ZNF536: variants seen among roughly 807,000 people sequenced by gnomAD.
ZNF536 encodes the protein zinc finger protein 536.
Under a neutral mutation model 84.5 loss-of-function variants are expected in ZNF536, and 13 were observed. That is an observed-to-expected ratio of 0.15 (90% confidence interval 0.10 to 0.24). The LOEUF (loss-of-function observed/expected upper bound fraction) is 0.24, where lower values mean the gene tolerates loss of function less well. Among genes scored for constraint, ZNF536 ranks in the 10% least tolerant of loss-of-function variants. The pLI is 1.00. For synonymous variants in ZNF536, 811 were observed against 742.5 expected (o/e 1.09, Z -1.50); for missense variants, 1,536 against 1,747.5 (o/e 0.88, Z 2.16).
intron 2 of ZNF536, among the ~76,000 whole-genome samples, chr19:30,327,954 C>A (rs896561256): frequency 2.0e-5 from 3 of 152,126 alleles, no homozygotes; most frequent in Non-Finnish European, 2.9e-5. Flanking sequence ...CTGGAGCCAC[C>A]ATTACTAGTG....
chr19:30,253,893 A>G (rs2024763212), intron 1 of ZNF536, among the ~76,000 whole-genome samples: 1 of 152,164 alleles, frequency 6.6e-6, no homozygotes, highest in African/African-American at 2.4e-5. Flanking sequence ...TGAGTCAGAA[A>G]AGACGCTAAT....
At chr19:30,571,679 T>C (rs1267829933) in intron 1 of ZNF536, among the ~76,000 whole-genome samples, 1 of 152,142 alleles carries the variant, frequency 6.6e-6, no homozygotes, top group African/African-American at 2.4e-5. Context: ...CTTTGGCCAG[T>C]GTGATCCCAA....
At chr19:30,670,180 C>G (rs758766072) in intron 1 of ZNF536, among the ~76,000 whole-genome samples, 13 of 152,208 alleles carry the variant, frequency 8.5e-5, no homozygotes, top group Admixed American at 2.0e-4. Flanking sequence ...GAACGAATTC[C>G]TGAGGCTCCT....
At chr19:30,571,382 C>A (rs1255194776) in intron 1 of ZNF536, among the ~76,000 whole-genome samples, 2 of 152,162 alleles carry the variant, frequency 1.3e-5, no homozygotes, top group African/African-American at 4.8e-5. Flanking sequence ...TCCCAAAGAA[C>A]TCCAAGGCAA....
At chr19:30,350,971 C>A (rs146448801) in intron 2 of ZNF536, among the ~76,000 whole-genome samples, 1 of 152,088 alleles carries the variant, frequency 6.6e-6, no homozygotes, top group Admixed American at 6.6e-5. Context: ...TTATCATATG[C>A]GGGGTGGTCT....
At chr19:30,499,810 G>GT (rs1305535309) in intron 2 of ZNF536, among the ~76,000 whole-genome samples, 4 of 152,256 alleles carry the variant, frequency 2.6e-5, no homozygotes, top group African/African-American at 9.6e-5. Context: ...CTTAGCCTTG[G>GT]TTAACTCTTA....
chr19:30,627,836 G>A, intron 1 of ZNF536, among the ~76,000 whole-genome samples: 2 of 152,194 alleles, frequency 1.3e-5, no homozygotes, highest in East Asian at 3.9e-4. Flanking sequence ...GAAGATGGGT[G>A]CAATACCACT....
intron 1 of ZNF536, among the ~76,000 whole-genome samples, chr19:30,588,759 T>C (rs1210287123): frequency 6.6e-6 from 1 of 152,216 alleles, no homozygotes; most frequent in Non-Finnish European, 1.5e-5. Flanking sequence ...ATTGTTTTAT[T>C]TGTGTGAATA....
chr19:30,394,067 A>C (rs953804333), intron 1 of ZNF536, among the ~76,000 whole-genome samples: 4 of 152,186 alleles, frequency 2.6e-5, no homozygotes, highest in African/African-American at 9.7e-5. Flanking sequence ...GGGCACGTGC[A>C]GATGGAAAAA....
At chr19:30,516,075 A>G (rs182528941) in intron 2 of ZNF536, among the ~76,000 whole-genome samples, 2 of 152,266 alleles carry the variant, frequency 1.3e-5, no homozygotes, top group African/African-American at 4.8e-5. Context: ...AAAAGAAAAA[A>G]GAATGCCCAG....
intron 1 of ZNF536, among the ~76,000 whole-genome samples, chr19:30,602,002 C>T (rs557815402): frequency 3.3e-5 from 5 of 152,246 alleles, no homozygotes; most frequent in African/African-American, 7.2e-5. Flanking sequence ...GCAAGGTCCA[C>T]TCATTCCCAA....
intron 1 of ZNF536, among the ~76,000 whole-genome samples, chr19:30,604,638 A>G (rs2047805614): frequency 6.6e-6 from 1 of 152,220 alleles, no homozygotes; most frequent in African/African-American, 2.4e-5. Flanking sequence ...GAGAAAAGTA[A>G]TCAGTTATTA....
intron 1 of ZNF536, among the ~76,000 whole-genome samples, chr19:30,234,484 C>T (rs1414943983): frequency 6.7e-6 from 1 of 149,858 alleles, no homozygotes; most frequent in Non-Finnish European, 1.5e-5. Context: ...TCACTGCAAC[C>T]TCTGCCTCCC....
At chr19:30,507,049 T>C (rs2055202930) in intron 2 of ZNF536, among the ~76,000 whole-genome samples, 1 of 152,246 alleles carries the variant, frequency 6.6e-6, no homozygotes, top group Non-Finnish European at 1.5e-5. Flanking sequence ...ACCCTGTTAG[T>C]GAATATTTTG....
chr19:30,344,440 C>CAAAAAAAAAAA (rs10628847), intron 2 of ZNF536, among the ~76,000 whole-genome samples: 1 of 69,182 alleles, frequency 1.4e-5, no homozygotes, highest in Non-Finnish European at 2.6e-5. Context: ...AACTCCATCT[C>CAAAAAAAAAAA]AAAAAAAAAA....
At chr19:30,225,754 G>A (rs2022580153), upstream of ZNF536, among the ~76,000 whole-genome samples, 1 of 146,430 alleles carries the variant, frequency 6.8e-6, no homozygotes, top group Admixed American at 6.7e-5. Flanking sequence ...GGCGGGTGGG[G>A]GGGCAGCTTC....
intron 2 of ZNF536, among the ~76,000 whole-genome samples, chr19:30,456,017 T>C (rs33441): frequency 0.6 from 91,019 of 152,022 alleles, 27,688 homozygotes; most frequent in Non-Finnish European, 0.65. Context: ...TTGGGGGCCA[T>C]GTGGTTTCTG....
chr19:30,616,040 C>T (rs2048283528), intron 1 of ZNF536, among the ~76,000 whole-genome samples: 1 of 152,194 alleles, frequency 6.6e-6, no homozygotes, highest in Admixed American at 6.5e-5. Flanking sequence ...TAACCAGCCA[C>T]CTTGTTAAAT....
intron 1 of ZNF536, among the ~76,000 whole-genome samples, chr19:30,246,818 G>A (rs773851589): frequency 2.0e-5 from 3 of 152,160 alleles, no homozygotes; most frequent in Admixed American, 1.3e-4. Flanking sequence ...TAAAAAAGTC[G>A]ACTCATTATT....
Sources: gnomAD v4.1 joint callset for allele counts (sites outside exome capture counted in the v4.1 genomes callset) on GRCh38, gnomAD v4.1.1 for gene constraint, MANE v1.5 for transcripts, NCBI Gene and HGNC (gene_info 2026-07-23, HGNC 2026-07-21) for gene names.